Variants in NEGR1 observed in about 807,000 individuals in gnomAD.
The protein encoded by NEGR1 is neuronal growth regulator 1.
In NEGR1, 10 loss-of-function variants were observed where a neutral mutation model predicts 40.9. That is an observed-to-expected ratio of 0.24 (90% CI 0.15 to 0.42). NEGR1 has a LOEUF of 0.42. Among genes scored for constraint, NEGR1 ranks in the 10% least tolerant of loss-of-function variants. The pLI, the probability that NEGR1 is intolerant of heterozygous loss-of-function variation, is 1.00. For synonymous variants in NEGR1, 185 were observed against 166.8 expected, an observed-to-expected ratio of 1.11 and a Z score of -0.84; for missense variants, 352 against 438.9, an observed-to-expected ratio of 0.80 and a Z score of 1.77.
rs1339899074 is a variant in NEGR1, at chr1:72,199,146, C to CAGAGAGAG, written c.176+83172_176+83173insCTCTCTCT. 6.5e-3 allele frequency among the ~76,000 whole-genome samples: 901 copies of CAGAGAGAG among 139,066 alleles called. 14 individuals carry two copies. The highest frequency in any genetic ancestry group is 0.018 in the African/African-American group (641 of 35,614). 91.2% of individuals were successfully genotyped at this position (139,066 alleles called of 152,430 possible). On this transcript the variant is annotated intron_variant, in intron 1 of 6. Coordinates refer to ENST00000357731, the MANE Select transcript of NEGR1 (RefSeq NM_173808.3). The stretch of plus-strand genomic sequence containing the variant: ...TACATTGGAGATCTATCTAGATAGA[C>CAGAGAGAG]AGACAGAGAGAGAGAGAGAGAGAGA...
intron 6 of NEGR1, among the ~76,000 whole-genome samples, chr1:71,588,913 A>G (rs1489363584): frequency 6.6e-6 from 1 of 152,196 alleles, no homozygotes; most frequent in East Asian, 1.9e-4. Context: ...CCTATTAATC[A>G]GAAAGCAATC....
At chr1:71,654,521 A>G (rs1651818395) in intron 4 of NEGR1, among the ~76,000 whole-genome samples, 1 of 152,190 alleles carries the variant, frequency 6.6e-6, no homozygotes, top group Admixed American at 6.5e-5. Context: ...TATGTTCAAA[A>G]TAAATAAACC....
At chr1:71,415,514 C>A (rs1646349541) in intron 6 of NEGR1, among the ~76,000 whole-genome samples, 1 of 152,094 alleles carries the variant, frequency 6.6e-6, no homozygotes, top group Non-Finnish European at 1.5e-5. Flanking sequence ...AGAAATCTGC[C>A]TATTTGTAGA....
At chr1:72,265,951 G>A (rs898607496) in intron 1 of NEGR1, among the ~76,000 whole-genome samples, 3 of 150,624 alleles carry the variant, frequency 2.0e-5, no homozygotes, top group Non-Finnish European at 3.0e-5. Context: ...TAGAATTGAA[G>A]TGATTTTATT....
chr1:71,783,136 A>G (rs1370703549), intron 2 of NEGR1, among the ~76,000 whole-genome samples: 1 of 152,118 alleles, frequency 6.6e-6, no homozygotes, highest in African/African-American at 2.4e-5. Flanking sequence ...ATATTTCTGA[A>G]GCTTTTCCAA....
intron 2 of NEGR1, among the ~76,000 whole-genome samples, chr1:71,903,975 A>G (rs1274851303): frequency 1.3e-5 from 2 of 151,926 alleles, no homozygotes; most frequent in African/African-American, 4.8e-5. Context: ...ATTCAATAAC[A>G]ATTGATTTAT....
chr1:72,234,710 G>A (rs983213669), intron 1 of NEGR1, among the ~76,000 whole-genome samples: 3 of 152,060 alleles, frequency 2.0e-5, no homozygotes, highest in Non-Finnish European at 4.4e-5. Flanking sequence ...GATCATTAGA[G>A]AAATGCAAAC....
At chr1:72,013,539 C>T (rs571755599) in intron 1 of NEGR1, among the ~76,000 whole-genome samples, 3 of 152,122 alleles carry the variant, frequency 2.0e-5, no homozygotes, top group Admixed American at 6.5e-5. Context: ...CAAACATACA[C>T]ACAATTAAAA....
intron 2 of NEGR1, among the ~76,000 whole-genome samples, chr1:71,785,269 A>G (rs1281494599): frequency 6.6e-6 from 1 of 152,208 alleles, no homozygotes; most frequent in African/African-American, 2.4e-5. Context: ...TGCATAATTC[A>G]GTCTCTTCCT....
chr1:72,036,742 G>C (rs1041878191), intron 1 of NEGR1, among the ~76,000 whole-genome samples: 2 of 150,488 alleles, frequency 1.3e-5, no homozygotes, highest in African/African-American at 2.4e-5. Flanking sequence ...TATATATTAA[G>C]AAGTTTTTAC....
intron 3 of NEGR1, 131 bp from the exon 4 acceptor site, chr1:71,698,270 C>A (rs1056748280): frequency 3.8e-6 from 3 of 788,904 alleles, no homozygotes; most frequent in African/African-American, 3.5e-5. Flanking sequence ...AATTATTAAA[C>A]CTTTTGTTCT....
At position 71,405,719 on chromosome 1, in the gene NEGR1, C is replaced by T. The variant is rs1646274121; in HGVS notation, c.*1727G>A. ...AAAAAATCACAGTTTTTAAGCCATC[C>T]CTGCTAGGGCAACATACTAGATATC... On this transcript the variant is annotated 3_prime_UTR_variant, in exon 7 of 7. Transcript: ENST00000357731. 2 of 151,148 alleles carry T rather than the reference C, an allele frequency of 1.3e-5. No homozygotes were observed. Among genetic ancestry groups the T allele is most frequent in the South Asian group, 2.1e-4 (1 of 4,786 alleles). The allele number at this position is 151,148 out of a possible 1,614,324, so 9.4% of individuals were successfully genotyped here. A position where few individuals can be genotyped will look rare whatever the true frequency, so the allele number is the denominator to read the frequency against.
intron 4 of NEGR1, among the ~76,000 whole-genome samples, chr1:71,687,592 T>C (rs1331466560): frequency 1.3e-5 from 2 of 152,342 alleles, no homozygotes; most frequent in East Asian, 3.9e-4. Context: ...TTATTTATTG[T>C]AATTGTTTTC....
At chr1:71,708,933 A>G (rs375017179) in intron 3 of NEGR1, among the ~76,000 whole-genome samples, 1 of 152,124 alleles carries the variant, frequency 6.6e-6, no homozygotes, top group East Asian at 1.9e-4. Flanking sequence ...ATTCCTTTCT[A>G]TGGCTGCATA....
intron 2 of NEGR1, among the ~76,000 whole-genome samples, chr1:71,924,397 T>A (rs191126704): frequency 5.9e-5 from 9 of 152,180 alleles, no homozygotes. Context: ...CCTGCTCTTT[T>A]AAAATGGGCT....
intron 1 of NEGR1, among the ~76,000 whole-genome samples, chr1:72,104,640 GA>G (rs1649065759): frequency 6.6e-6 from 1 of 151,960 alleles, no homozygotes. Flanking sequence ...ACAACAGCAG[GA>G]ACCAATATAT....
intron 1 of NEGR1, among the ~76,000 whole-genome samples, chr1:71,946,120 C>T (rs1570539836): frequency 1.3e-5 from 2 of 152,196 alleles, no homozygotes; most frequent in Admixed American, 1.3e-4. Flanking sequence ...GCAATCATAG[C>T]TCAATGCAGA....
At chr1:72,202,063 C>T (rs572589261) in intron 1 of NEGR1, among the ~76,000 whole-genome samples, 3 of 151,964 alleles carry the variant, frequency 2.0e-5, no homozygotes, top group African/African-American at 7.2e-5. Context: ...ACCAAAATTA[C>T]CCATTTTGGT....
At position 71,454,019 on chromosome 1, in the gene NEGR1, A is replaced by G. The variant is rs1023303467; in HGVS notation, c.941-46449T>C. On this transcript the variant is annotated intron_variant, in intron 6 of 6. Coordinates refer to ENST00000357731, the MANE Select transcript of NEGR1 (RefSeq NM_173808.3). The stretch of plus-strand genomic sequence containing the variant: ...TGTCTAACTGTCCCAGTGGTTTTAC[A>G]TTTTTCTTCTCTTCAGCCATAATTC... Among the ~76,000 whole-genome samples the G allele has an allele frequency of 2.0e-5, 3 of 152,264 alleles. No individual in the cohort carries two copies. The South Asian group carries it at 6.2e-4, about 32-fold the overall frequency.
Sources: gnomAD v4.1 joint callset for allele counts (sites outside exome capture counted in the v4.1 genomes callset) on GRCh38, gnomAD v4.1.1 for gene constraint, MANE v1.5 for transcripts, NCBI Gene and HGNC (gene_info 2026-07-23, HGNC 2026-07-21) for gene names.